NEO1: variants seen among roughly 807,000 people sequenced by gnomAD.
NEO1 encodes the protein neogenin.
Under a neutral mutation model 159.7 loss-of-function variants are expected in NEO1, and 63 were observed. The observed-to-expected ratio is 0.39, with a 90% CI of 0.32 to 0.49. The LOEUF is 0.49. Among genes scored for constraint, NEO1 ranks in the 20% least tolerant of loss-of-function variants. The pLI, the probability that NEO1 is intolerant of heterozygous loss-of-function variation, is 0.85. For missense variants in NEO1, 1,615 were observed against 1,831.0 expected, an observed-to-expected ratio of 0.88 and a Z score of 2.15; for synonymous variants, 633 against 662.0, an observed-to-expected ratio of 0.96 and a Z score of 0.67.
intron 7 of NEO1, among the ~76,000 whole-genome samples, chr15:73,194,690 G>A (rs574155011): frequency 1.3e-5 from 2 of 152,182 alleles, no homozygotes; most frequent in Non-Finnish European, 2.9e-5. Context: ...CATGAGGTTT[G>A]GAGGGGACAA....
chr15:73,218,439 A>C (rs537644327), intron 7 of NEO1, among the ~76,000 whole-genome samples: 1 of 152,148 alleles, frequency 6.6e-6, no homozygotes, highest in East Asian at 1.9e-4. Context: ...TGCTGGCCTC[A>C]TAAAATGAGT....
chr15:73,293,066 T>C (rs550471582), intron 25 of NEO1, among the ~76,000 whole-genome samples: 23 of 152,344 alleles, frequency 1.5e-4, no homozygotes, highest in South Asian at 6.2e-4. Context: ...TATAGTAGAA[T>C]TGGAAAATAC....
chr15:73,217,411 G>A (rs1165177165), intron 7 of NEO1, among the ~76,000 whole-genome samples: 41 of 147,994 alleles, frequency 2.8e-4, no homozygotes, highest in Middle Eastern at 3.5e-3. Context: ...TTGGCGATGC[G>A]GGCTCTTTTT....
rs35895070 is a variant in NEO1 at position 73,071,937 on chromosome 15, TTTTG to T, written c.130+19156_130+19159del. 6.2e-3 allele frequency among the ~76,000 whole-genome samples: 937 copies of T among 150,736 alleles called. 9 individuals are homozygous for T. Among genetic ancestry groups the T allele is most frequent in the African/African-American group, 0.02 (823 of 40,934 alleles). ...CTATATCTGATGGCTTTTAATTTAA[TTTTG>T]TTTGTTTGTTTGTTTGTTTGTTTTT... On this transcript the variant is annotated intron_variant, in intron 1 of 28. Transcript: ENST00000261908.
At chr15:73,177,317 A>G (rs1005054692) in intron 6 of NEO1, among the ~76,000 whole-genome samples, 1 of 152,176 alleles carries the variant, frequency 6.6e-6, no homozygotes, top group African/African-American at 2.4e-5. Flanking sequence ...AATGATCAGA[A>G]CTATAGTTGT....
At chr15:73,200,190 T>G (rs1177324848) in intron 7 of NEO1, among the ~76,000 whole-genome samples, 2 of 152,204 alleles carry the variant, frequency 1.3e-5, no homozygotes, top group East Asian at 3.8e-4. Context: ...TTGAAGATCT[T>G]TAATTATTGA....
chr15:73,280,931 C>T (rs945166410), intron 22 of NEO1, among the ~76,000 whole-genome samples: 12 of 151,812 alleles, frequency 7.9e-5, no homozygotes, highest in Non-Finnish European at 8.8e-5. Context: ...TTGGGCCGGG[C>T]GCAGTGGCTC....
At chr15:73,277,901 C>T (rs889128674) in intron 21 of NEO1, among the ~76,000 whole-genome samples, 2 of 152,126 alleles carry the variant, frequency 1.3e-5, no homozygotes, top group Admixed American at 6.5e-5. Context: ...AGCTCACAGC[C>T]GTGAGACAAG....
chr15:73,065,671 G>C (rs2068178660), intron 1 of NEO1, among the ~76,000 whole-genome samples: 1 of 152,146 alleles, frequency 6.6e-6, no homozygotes. Flanking sequence ...ACTATGATGT[G>C]CCTAGTTATG....
chr15:73,274,801 T>C, intron 21 of NEO1, 77 bp downstream of exon 21: 2 of 1,379,464 alleles, frequency 1.4e-6, no homozygotes, highest in East Asian at 2.3e-5. Context: ...TGTTTCTTTT[T>C]TTTTTTTTTT....
chr15:73,139,146 C>A (rs2032122506), intron 5 of NEO1, among the ~76,000 whole-genome samples: 1 of 152,122 alleles, frequency 6.6e-6, no homozygotes, highest in Non-Finnish European at 1.5e-5. Flanking sequence ...ATGTAAATCA[C>A]ATATACACCA....
At chr15:73,230,105 T>A (rs2038819320) in intron 7 of NEO1, among the ~76,000 whole-genome samples, 2 of 152,278 alleles carry the variant, frequency 1.3e-5, no homozygotes, top group South Asian at 4.1e-4. Flanking sequence ...CCTGAAAAAG[T>A]TTGTGAAGGA....
intron 7 of NEO1, among the ~76,000 whole-genome samples, chr15:73,224,510 A>C (rs1475360519): frequency 1.3e-5 from 2 of 151,914 alleles, no homozygotes; most frequent in Non-Finnish European, 2.9e-5. Context: ...ATATTTTCTT[A>C]TTCTTTTTTC....
intron 13 of NEO1, among the ~76,000 whole-genome samples, chr15:73,256,328 C>G (rs950119727): frequency 1.3e-5 from 2 of 151,820 alleles, no homozygotes; most frequent in African/African-American, 2.4e-5. Flanking sequence ...GGTGAAACCC[C>G]GTCTCTACTA....
chr15:73,224,361 G>C (rs533745170), intron 7 of NEO1, among the ~76,000 whole-genome samples: 278 of 152,292 alleles, frequency 1.8e-3, no homozygotes, highest in African/African-American at 6.2e-3. Context: ...TAGGTCTCTA[G>C]TAAGGCCAAA....
intron 5 of NEO1, among the ~76,000 whole-genome samples, chr15:73,152,921 G>C (rs1300316886): frequency 6.6e-6 from 1 of 152,134 alleles, no homozygotes; most frequent in African/African-American, 2.4e-5. Context: ...TATGTTTAGA[G>C]AAAGAGAGAA....
chr15:73,162,229 C>T (rs549553366), intron 5 of NEO1: 1 of 214,490 alleles, frequency 4.7e-6, no homozygotes. Context: ...ACCTTCCTCC[C>T]CAGCTCCTAA....
chr15:73,302,957 T>A lies in NEO1; in HGVS notation c.*261T>A, dbSNP rs568498875. ...AGGACTGGGCACCATGGGCCAAAAT[T>A]TTGTGTCCAGGGAAGAGGCGAGAAG... is the stretch of plus-strand genomic sequence containing the variant. On this transcript the variant is annotated 3_prime_UTR_variant, in exon 29 of 29. Transcript: ENST00000261908. The A allele has an allele frequency of 2.8e-5, 12 of 433,374 alleles. No individual in the cohort carries two copies. The highest frequency in any genetic ancestry group is 5.1e-5 in the Non-Finnish European group (12 of 234,722). 26.8% of individuals were successfully genotyped at this position (433,374 alleles called of 1,614,324 possible). A position where few individuals can be genotyped will look rare whatever the true frequency, so the allele number is the denominator to read the frequency against.
chr15:73,101,179 A>G (rs546907726), intron 1 of NEO1, among the ~76,000 whole-genome samples: 1 of 152,328 alleles, frequency 6.6e-6, no homozygotes, highest in South Asian at 2.1e-4. Context: ...TAAATTCAAA[A>G]TATTTTGTAA....
Sources: allele counts gnomAD v4.1 joint callset (sites outside exome capture counted in the v4.1 genomes callset), GRCh38; gene constraint gnomAD v4.1.1; transcripts MANE v1.5; gene names NCBI Gene and HGNC (gene_info 2026-07-23, HGNC 2026-07-21).